The following PARD6G variants were observed in gnomAD, a reference collection of about 807,000 sequenced individuals.
PARD6G encodes the protein par-6 family cell polarity regulator gamma, also known as partitioning defective 6 homolog gamma.
A neutral mutation model predicts 10.7 loss-of-function variants in PARD6G; 7 were observed. That is an observed-to-expected ratio of 0.66 (90% confidence interval 0.37 to 1.23). The LOEUF (loss-of-function observed/expected upper bound fraction) is 1.23, where lower values mean the gene tolerates loss of function less well. Among genes scored for constraint, PARD6G ranks in the 50% most tolerant of loss-of-function variants. The pLI is 0.02. For synonymous variants in PARD6G, 287 were observed against 269.4 expected (o/e 1.07, Z -0.64); for missense variants, 548 against 571.8 (o/e 0.96, Z 0.42).
intron 1 of PARD6G, among the ~76,000 whole-genome samples, chr18:80,220,411 T>G (rs1967216219): frequency 6.6e-6 from 1 of 152,156 alleles, no homozygotes; most frequent in South Asian, 2.1e-4. Context: ...TGTGTTATCC[T>G]GGATGGGATC....
At position 80,183,858 on chromosome 18, in the gene PARD6G, C is replaced by A. The variant is rs1441870969; in HGVS notation, c.295+18852G>T. 6.6e-6 allele frequency: 1 copy of A among 152,306 alleles called. No individual in the cohort carries two copies. The highest frequency in any genetic ancestry group is 1.5e-5 in the Non-Finnish European group (1 of 68,122). 9.4% of individuals were successfully genotyped at this position (152,306 alleles called of 1,614,324 possible). ...TCAGAAGTCAATTGGATGTCTCTGT[C>A]TGAGCTGAGAGCACATGACATACAA... On this transcript the variant is annotated intron_variant, in intron 2 of 2. Transcript: ENST00000353265. The surrounding 1 kb of genome is among the most constrained non-coding windows in gnomAD (Gnocchi z 4.5).
intron 2 of PARD6G, 41 bp from the exon 3 acceptor site, chr18:80,160,647 C>T (rs1179064135): frequency 7.0e-7 from 1 of 1,429,394 alleles, no homozygotes. Flanking sequence ...CACAACCGAG[C>T]CCCGCCTGAG....
Position 80,202,814 on chromosome 18 carries a change from T to C in PARD6G, c.191A>G (p.Tyr64Cys). 6.2e-7 allele frequency: 1 copy of C among 1,613,908 alleles called. No homozygotes were observed. The highest frequency in any genetic ancestry group is 8.5e-7 in the Non-Finnish European group (1 of 1,179,966). The change falls in exon 2 of 3, where the codon TAT becomes TGT. Residue 64 changes from tyrosine to cysteine, a missense_variant. Coordinates refer to ENST00000353265, the MANE Select transcript of PARD6G (RefSeq NM_032510.4). ...HISNSDVTIG[Y>C]ADVHGDLLPI... Reference sequence around the variant, plus strand: ...CAGCAGGTCTCCGTGCACATCTGCATAGCCAATAGTTACATCACTGTTGGA... The same window carrying C: ...CAGCAGGTCTCCGTGCACATCTGCACAGCCAATAGTTACATCACTGTTGGA...
At chr18:80,213,153 G>C (rs1967125670) in intron 1 of PARD6G, among the ~76,000 whole-genome samples, 1 of 152,124 alleles carries the variant, frequency 6.6e-6, no homozygotes, top group East Asian at 1.9e-4. Flanking sequence ...TAATACTACT[G>C]AACTGTACAC....
chr18:80,229,802 G>T (rs1967337940), intron 1 of PARD6G, among the ~76,000 whole-genome samples: 1 of 152,230 alleles, frequency 6.6e-6, no homozygotes, highest in Admixed American at 6.5e-5. Flanking sequence ...GAAGCGTGAG[G>T]ACAGAGAGCA....
At chr18:80,193,617 T>C (rs187358860) in intron 2 of PARD6G, among the ~76,000 whole-genome samples, 1 of 152,338 alleles carries the variant, frequency 6.6e-6, no homozygotes, top group East Asian at 1.9e-4. Flanking sequence ...ACTATATACC[T>C]AAAGATTGTC....
chr18:80,237,301 T>G (rs1372406400), intron 1 of PARD6G, among the ~76,000 whole-genome samples: 2 of 152,268 alleles, frequency 1.3e-5, no homozygotes, highest in East Asian at 1.9e-4. Context: ...TAGCCATATG[T>G]AGAAAGCTGA....
chr18:80,177,041 A>ACACC (rs1555734770), intron 2 of PARD6G, among the ~76,000 whole-genome samples: 4 of 146,256 alleles, frequency 2.7e-5, no homozygotes, highest in Non-Finnish European at 6.0e-5. Context: ...ACACACACAC[A>ACACC]CACACACCAC....
intron 1 of PARD6G, among the ~76,000 whole-genome samples, chr18:80,211,545 G>A (rs1967108121): frequency 6.6e-6 from 1 of 152,230 alleles, no homozygotes; most frequent in Non-Finnish European, 1.5e-5. Context: ...ATATGATCCA[G>A]CATTCTACCT....
chr18:80,194,768 T>A (rs1010936201), intron 2 of PARD6G, among the ~76,000 whole-genome samples: 4 of 151,986 alleles, frequency 2.6e-5, no homozygotes, highest in Non-Finnish European at 4.4e-5. Flanking sequence ...GGATGTGAAC[T>A]AGGAAAGAGA....
Position 80,188,775 on chromosome 18 carries a change from C to T in PARD6G, c.295+13935G>A, listed in dbSNP as rs532123827. Among the ~76,000 whole-genome samples the T allele has an allele frequency of 3.5e-4, 53 of 152,274 alleles. No individual in the cohort carries two copies. The highest frequency in any genetic ancestry group is 6.6e-4 in the Non-Finnish European group (45 of 68,026). ...GCCAGTCACCCTGGCCTGGGATGGC[C>T]GGGGTACAGCAAGTGACAGGCATGT... On this transcript the variant is annotated intron_variant, in intron 2 of 2. Transcript: ENST00000353265. The surrounding 1 kb of genome is among the most constrained non-coding windows in gnomAD (Gnocchi z 5.4).
intron 1 of PARD6G, among the ~76,000 whole-genome samples, chr18:80,230,360 G>C (rs1967344153): frequency 6.6e-6 from 1 of 152,240 alleles, no homozygotes; most frequent in Non-Finnish European, 1.5e-5. Flanking sequence ...AAGAAATACA[G>C]GCGGTCATCC....
At chr18:80,230,724 G>A (rs1401098836) in intron 1 of PARD6G, among the ~76,000 whole-genome samples, 1 of 152,160 alleles carries the variant, frequency 6.6e-6, no homozygotes, top group East Asian at 1.9e-4. Context: ...TGTAGGAGGT[G>A]GGAGGGGTAG....
At chr18:80,179,018 C>T (rs757541817) in intron 2 of PARD6G, among the ~76,000 whole-genome samples, 56 of 152,276 alleles carry the variant, frequency 3.7e-4, no homozygotes, top group Non-Finnish European at 5.1e-4. Flanking sequence ...CTAACCACCA[C>T]TGACAGTTTC....
chr18:80,235,599 T>G (rs570127310), intron 1 of PARD6G, among the ~76,000 whole-genome samples: 12 of 151,812 alleles, frequency 7.9e-5, no homozygotes, highest in Admixed American at 7.9e-4. Context: ...TCAACAAAAT[T>G]GATAGACCGC....
intron 1 of PARD6G, among the ~76,000 whole-genome samples, chr18:80,206,746 CTCATT>C (rs1390789291): frequency 6.6e-6 from 1 of 152,134 alleles, no homozygotes; most frequent in African/African-American, 2.4e-5. Flanking sequence ...GCCAGCCTAC[CTCATT>C]TATCAATAAA....
At position 80,175,147 on chromosome 18, in the gene PARD6G, C is replaced by T. The variant is rs1353343436; in HGVS notation, c.296-14541G>A. ...TCCTTCTTCCTAACAGTCTAGTACA[C>T]ACTTCCCCAGACTATTTAGTGCAAC... On this transcript the variant is annotated intron_variant, in intron 2 of 2. Coordinates refer to ENST00000353265, the MANE Select transcript of PARD6G (RefSeq NM_032510.4). This position sits in a 1 kb window ranked among gnomAD's most constrained non-coding sequence, Gnocchi z 6.7. 6.6e-6 allele frequency among the ~76,000 whole-genome samples: 1 copy of T among 152,176 alleles called. No homozygotes were observed. The highest frequency in any genetic ancestry group is 1.9e-4 in the East Asian group (1 of 5,204).
Position 80,159,480 on chromosome 18 carries a change from T to TA in PARD6G, c.*290dup. 1 of 337,286 alleles carries TA rather than the reference T, an allele frequency of 3.0e-6. No homozygotes were observed. 20.9% of individuals were successfully genotyped at this position (337,286 alleles called of 1,614,324 possible). A position where few individuals can be genotyped will look rare whatever the true frequency, so the allele number is the denominator to read the frequency against. ...AAAAACAAAGTATTTGTAAAAATTT[T>TA]AAAAAGCATTTTTTTGCACTTGGTC... On this transcript the variant is annotated 3_prime_UTR_variant, in exon 3 of 3. Transcript: ENST00000353265.
In PARD6G at chr18:80,228,734, C is replaced by G. The variant is rs1371163606; in HGVS notation, c.72+18543G>C. Among the ~76,000 whole-genome samples, 1 of 151,150 alleles carries G rather than the reference C, an allele frequency of 6.6e-6. No homozygotes were observed. The highest frequency in any genetic ancestry group is 1.5e-5 in the Non-Finnish European group (1 of 67,718). ...TCCACCAAAGACCTGCCTCACACCC[C>G]CAGGGGCCTGCCTCCCATCTAAGGC... On this transcript the variant is annotated intron_variant, in intron 1 of 2. Coordinates refer to ENST00000353265, the MANE Select transcript of PARD6G (RefSeq NM_032510.4). This position sits in a 1 kb window ranked among gnomAD's most constrained non-coding sequence, Gnocchi z 4.6.
Sources: allele counts gnomAD v4.1 joint callset (sites outside exome capture counted in the v4.1 genomes callset), GRCh38; gene constraint gnomAD v4.1.1; non-coding constraint Gnocchi (gnomAD v3.1); transcripts MANE v1.5; gene names NCBI Gene and HGNC (gene_info 2026-07-23, HGNC 2026-07-21).